TMEM156: variants seen among roughly 807,000 people sequenced by gnomAD.
TMEM156 encodes the protein transmembrane protein 156.
Under a neutral mutation model 30.5 loss-of-function variants are expected in TMEM156, and 28 were observed. That is an observed-to-expected ratio of 0.92 (90% CI 0.68 to 1.26). TMEM156 has a LOEUF of 1.26. TMEM156 is among the 50% of genes most tolerant of loss of function. The pLI, the probability that TMEM156 is intolerant of heterozygous loss-of-function variation, is 0.00. For missense variants in TMEM156, 351 were observed against 340.6 expected, an observed-to-expected ratio of 1.03 and a Z score of -0.24; for synonymous variants, 137 against 119.9, an observed-to-expected ratio of 1.14 and a Z score of -0.93.
At chr4:38,987,269 C>T (rs559843765) in intron 4 of TMEM156, among the ~76,000 whole-genome samples, 3 of 152,162 alleles carry the variant, frequency 2.0e-5, no homozygotes, top group Non-Finnish European at 2.9e-5. Flanking sequence ...AGCTGTGCAG[C>T]TTTGGATAAA....
chr4:38,974,625 T>C (rs187603039), intron 5 of TMEM156, among the ~76,000 whole-genome samples: 1 of 152,184 alleles, frequency 6.6e-6, no homozygotes, highest in Non-Finnish European at 1.5e-5. Flanking sequence ...TATACATTTT[T>C]CCCAGAAAAT....
intron 1 of TMEM156, among the ~76,000 whole-genome samples, 189 bp from the exon 2 acceptor site, chr4:38,999,098 T>TTTTATTTATTTATTTA (rs1299764312): frequency 9.0e-6 from 1 of 111,458 alleles, no homozygotes; most frequent in Non-Finnish European, 1.8e-5. Context: ...ATTTCATTAT[T>TTTTATTTATTTATTTA]TTTATTTATT....
chr4:38,995,816 A>G (rs1398292081), intron 2 of TMEM156, among the ~76,000 whole-genome samples: 2 of 152,244 alleles, frequency 1.3e-5, no homozygotes, highest in African/African-American at 4.8e-5. Flanking sequence ...ACACTGCATG[A>G]CTAAGTCAGA....
chr4:38,983,291 T>C (rs1396089206), intron 5 of TMEM156, among the ~76,000 whole-genome samples: 1 of 152,224 alleles, frequency 6.6e-6, no homozygotes, highest in Non-Finnish European at 1.5e-5. Context: ...AGTGGGCTTC[T>C]ATCATTTGCA....
chr4:38,980,239 C>T (rs1723113325), intron 5 of TMEM156, among the ~76,000 whole-genome samples: 2 of 150,042 alleles, frequency 1.3e-5, no homozygotes, highest in South Asian at 4.2e-4. Context: ...TTCTGAGACA[C>T]TGATTCAGTT....
intron 1 of TMEM156, among the ~76,000 whole-genome samples, chr4:39,027,436 G>T (rs79318413): frequency 0.073 from 11,125 of 152,096 alleles, 634 homozygotes; most frequent in South Asian, 0.25. Context: ...AAGCGTGAAA[G>T]AGAAGGGGAA....
chr4:38,990,840 T>TTTGTTTTTTTTTTTTTG (rs1553878618), intron 3 of TMEM156, among the ~76,000 whole-genome samples: 3 of 131,756 alleles, frequency 2.3e-5, no homozygotes, highest in African/African-American at 8.4e-5. Context: ...GTTTTTTTTT[T>TTTGTTTTTTTTTTTTTG]TTTTTTTTTT....
intron 3 of TMEM156, among the ~76,000 whole-genome samples, chr4:38,990,830 G>GTTTTTTTTTTTTTTTTTTTTTTTT (rs71304784): frequency 1.8e-4 from 15 of 81,220 alleles, no homozygotes; most frequent in Non-Finnish European, 3.6e-4. Context: ...TTGTTTTCTG[G>GTTTTTTTTTTTTTTTTTTTTTTTT]TTTTTTTTTT....
chr4:38,990,148 G>C (rs12640087), intron 3 of TMEM156, among the ~76,000 whole-genome samples: 88,449 of 152,096 alleles, frequency 0.58, 25,889 homozygotes, highest in East Asian at 0.7. Context: ...GCATACAAAA[G>C]ACAGCTAGTA....
chr4:39,026,076 C>T (rs556907759), intron 1 of TMEM156, among the ~76,000 whole-genome samples: 1 of 152,062 alleles, frequency 6.6e-6, no homozygotes, highest in Non-Finnish European at 1.5e-5. Flanking sequence ...GACAAAACCT[C>T]GGTTTCATGG....
intron 5 of TMEM156, among the ~76,000 whole-genome samples, chr4:38,979,311 G>A (rs970669776): frequency 5.3e-5 from 8 of 152,220 alleles, no homozygotes; most frequent in South Asian, 2.1e-4. Flanking sequence ...TGCCCCACAC[G>A]TTCCATTCAA....
At chr4:38,992,277 A>T (rs1037687808) in intron 3 of TMEM156, among the ~76,000 whole-genome samples, 2 of 151,918 alleles carry the variant, frequency 1.3e-5, no homozygotes, top group African/African-American at 4.8e-5. Flanking sequence ...AGATTGTTTC[A>T]TATCATCTAA....
At chr4:38,985,891 T>C (rs1468718380) in intron 5 of TMEM156, among the ~76,000 whole-genome samples, 1 of 152,214 alleles carries the variant, frequency 6.6e-6, no homozygotes, top group Non-Finnish European at 1.5e-5. Flanking sequence ...TTTCTGTTTC[T>C]CAGGAGAGGA....
chr4:38,985,102 A>G (rs1184822642), intron 5 of TMEM156, among the ~76,000 whole-genome samples: 1 of 152,218 alleles, frequency 6.6e-6, no homozygotes. Flanking sequence ...GCCCCACAGA[A>G]CTGTGTTAAA....
intron 6 of TMEM156, among the ~76,000 whole-genome samples, chr4:38,968,258 T>A (rs1034681723): frequency 6.6e-6 from 1 of 152,228 alleles, no homozygotes; most frequent in Non-Finnish European, 1.5e-5. Context: ...CTTTCAATTA[T>A]AACATTCCAT....
rs1472106524 is a variant in TMEM156 at position 38,998,723 on chromosome 4, C to T, written c.275G>A (p.Gly92Asp). 2.5e-6 allele frequency: 4 copies of T among 1,613,726 alleles called. No individual in the cohort carries two copies. The highest frequency in any genetic ancestry group is 4.5e-5 in the East Asian group (2 of 44,832). Residue 92 changes from glycine to aspartate, a missense_variant, in exon 2 of 7, where the codon GGT becomes GAT. Transcript: ENST00000381938. ...ACACGAGGAGCACATTTTAAATTCA[C>T]CTGTGATGTCTTGGCAAGTCCTGGT... ...NFTRTCQDIT[G>D]EFKMCSSCLV... is the part of the protein sequence containing the mutation.
intron 2 of TMEM156, among the ~76,000 whole-genome samples, chr4:38,998,105 GAATTAC>G (rs1713054160): frequency 6.6e-6 from 1 of 152,126 alleles, no homozygotes; most frequent in African/African-American, 2.4e-5. Context: ...ATGTGTATAT[GAATTAC>G]AGTGGCATTT....
intron 1 of TMEM156, among the ~76,000 whole-genome samples, chr4:39,009,271 G>A (rs1713947246): frequency 6.6e-6 from 1 of 151,962 alleles, no homozygotes; most frequent in Admixed American, 6.6e-5. Flanking sequence ...TACCAGCCCA[G>A]AACAGCCCTG....
intron 1 of TMEM156, among the ~76,000 whole-genome samples, chr4:39,003,147 T>A (rs1713495389): frequency 6.6e-6 from 1 of 152,154 alleles, no homozygotes. Context: ...AAAATGTGTA[T>A]AATTTGTATT....
Sources: gnomAD v4.1 joint callset for allele counts (sites outside exome capture counted in the v4.1 genomes callset) on GRCh38, gnomAD v4.1.1 for gene constraint, MANE v1.5 for transcripts, NCBI Gene and HGNC (gene_info 2026-07-23, HGNC 2026-07-21) for gene names.